The following ZNF780A variants were observed in gnomAD, a reference collection of about 807,000 sequenced individuals.
ZNF780A encodes the protein zinc finger protein 780A.
A neutral mutation model predicts 56.7 loss-of-function variants in ZNF780A; 40 were observed. The ratio of observed to expected loss-of-function variants is 0.71; its 90% CI spans 0.55 to 0.92. The LOEUF (loss-of-function observed/expected upper bound fraction) is 0.92, where lower values mean the gene tolerates loss of function less well. Ranked by LOEUF, ZNF780A falls within the 40% of genes least tolerant of loss-of-function variation. The probability of loss-of-function intolerance (pLI) is 0.00; values close to 1 mark genes in which losing one functional copy is unlikely to be tolerated. For synonymous variants in ZNF780A, 231 were observed against 248.3 expected, an observed-to-expected ratio of 0.93 and a Z score of 0.66; for missense variants, 672 against 783.3, an observed-to-expected ratio of 0.86 and a Z score of 1.70.
intron 5 of ZNF780A, among the ~76,000 whole-genome samples, chr19:40,077,797 C>G (rs1303663789): frequency 6.6e-6 from 1 of 151,558 alleles, no homozygotes; most frequent in Non-Finnish European, 1.5e-5. Flanking sequence ...CCTATCCAAC[C>G]CTATTAACCA....
downstream of ZNF780A, chr19:40,069,606 A>T (rs1364511401): frequency 2.6e-5 from 4 of 152,170 alleles, no homozygotes; most frequent in Non-Finnish European, 5.9e-5. Context: ...ATAATAGTTC[A>T]TTGGAACAAG....
At chr19:40,087,616 T>C (rs1488902139) in intron 2 of ZNF780A, among the ~76,000 whole-genome samples, 2 of 152,136 alleles carry the variant, frequency 1.3e-5, no homozygotes, top group Non-Finnish European at 2.9e-5. Context: ...AGGTTAAGAA[T>C]TTCTGTCCTA....
chr19:40,087,532 A>G (rs1974881825), intron 2 of ZNF780A, among the ~76,000 whole-genome samples: 1 of 152,160 alleles, frequency 6.6e-6, no homozygotes, highest in African/African-American at 2.4e-5. Context: ...ACATTTATAA[A>G]TTTCTATAAT....
rs759938680 is a variant in ZNF780A at position 40,083,150 on chromosome 19, C to A, written c.97G>T (p.Asp33Tyr). Reference protein sequence around the residue: ...LQPDQRTLYRDVMLENYSHLI... With the variant: ...LQPDQRTLYRYVMLENYSHLI... ...TGGCTGTAGTTCTCCAACATCACAT[C>A]CCTGTACAAGGTCCTCTGATCAGGC... The change falls in exon 4 of 6, where the codon GAT (aspartate) becomes TAT (tyrosine). Residue 33 changes from aspartate (D) to tyrosine (Y), a missense_variant. By Grantham distance (160) the Asp-to-Tyr change is radical. Transcript: ENST00000683561. The A allele has an allele frequency of 1.5e-5, 25 of 1,614,092 alleles. 1 individual carries two copies. The South Asian group carries it at 2.6e-4, about 17-fold the overall frequency.
At chr19:40,087,742 C>G (rs1256599754) in intron 2 of ZNF780A, among the ~76,000 whole-genome samples, 1 of 152,142 alleles carries the variant, frequency 6.6e-6, no homozygotes, top group Non-Finnish European at 1.5e-5. Context: ...CTCATCAAAA[C>G]TATCTGACTT....
rs147947129 is a variant in ZNF780A, at chr19:40,074,722, G to A, written c.1720C>T (p.Arg574Ter). 25 of 1,613,966 alleles carry A rather than the reference G, an allele frequency of 1.5e-5. No individual in the cohort carries two copies. In the African/African-American group the frequency reaches 1.6e-4, roughly 10 times the overall value. Residue 574 changes from arginine to a stop codon, truncating the protein, a stop_gained, in exon 6 of 6, where the codon CGA becomes TGA. Coordinates refer to ENST00000683561, the MANE Select transcript of ZNF780A (RefSeq NM_001142578.2). LOFTEE classifies it high-confidence loss of function. ...TCACCAGTATGCAATTTCTGATGTC[G>A]AATAAGGTGCATATGAAGTCGAAAG... ...KAFRLHMHLI[R>*]HQKLHTGEKP...
downstream of ZNF780A, chr19:40,072,728 T>C: frequency 7.8e-7 from 1 of 1,281,984 alleles, no homozygotes; most frequent in Non-Finnish European, 9.9e-7. Flanking sequence ...CTCTGGTTGG[T>C]ATCACAATCA....
At chr19:40,082,035 C>A in intron 4 of ZNF780A, 121 bp from the exon 5 acceptor site, 1 of 611,798 alleles carries the variant, frequency 1.6e-6, no homozygotes, top group Non-Finnish European at 2.7e-6. Context: ...AAAGAGACTT[C>A]AGATAAGAGT....
chr19:40,074,018 G>A lies in ZNF780A; in HGVS notation c.*498C>T, dbSNP rs1973937096. On this transcript the variant is annotated 3_prime_UTR_variant, in exon 6 of 6. Transcript: ENST00000683561. ...TCTTCCCACATTCTGTACATTCACA[G>A]GGTTTCATACCAGTATGAATTCTTT... is the stretch of plus-strand genomic sequence containing the variant. 3.5e-6 allele frequency: 4 copies of A among 1,147,632 alleles called. No homozygotes were observed. The highest frequency in any genetic ancestry group is 4.3e-6 in the Non-Finnish European group (4 of 919,982). The allele number at this position is 1,147,632 out of a possible 1,614,324, so 71.1% of individuals were successfully genotyped here. A position where few individuals can be genotyped will look rare whatever the true frequency, so the allele number is the denominator to read the frequency against.
In ZNF780A at chr19:40,074,462, T is replaced by C. The variant is rs1044069340; in HGVS notation, c.*54A>G. The C allele has an allele frequency of 6.2e-7, 1 of 1,602,944 alleles. No homozygotes were observed. The highest frequency in any genetic ancestry group is 8.5e-7 in the Non-Finnish European group (1 of 1,174,354). On this transcript the variant is annotated 3_prime_UTR_variant, in exon 6 of 6. Coordinates refer to ENST00000683561, the MANE Select transcript of ZNF780A (RefSeq NM_001142578.2). The stretch of plus-strand genomic sequence containing the variant: ...TGGTTTTACACCAGCACGAATACTC[T>C]GATGTTGAACATGGTTTGAGACACG...
intron 2 of ZNF780A, among the ~76,000 whole-genome samples, chr19:40,085,636 C>T (rs1302110551): frequency 6.6e-6 from 1 of 152,054 alleles, no homozygotes; most frequent in African/African-American, 2.4e-5. Context: ...AATCCCAGCA[C>T]TTTGGGAGGC....
intron 5 of ZNF780A, among the ~76,000 whole-genome samples, chr19:40,079,050 A>C (rs1271323801): frequency 1.2e-4 from 19 of 152,042 alleles, no homozygotes; most frequent in Admixed American, 1.2e-3. Flanking sequence ...ATATAGATGG[A>C]ATGGATTTTT....
rs1308484412 is a variant in ZNF780A, at chr19:40,074,465, T to A, written c.*51A>T. ...TTTTACACCAGCACGAATACTCTGA[T>A]GTTGAACATGGTTTGAGACACGATT... On this transcript the variant is annotated 3_prime_UTR_variant, in exon 6 of 6. Transcript: ENST00000683561. The A allele has an allele frequency of 4.4e-6, 7 of 1,603,776 alleles. No individual in the cohort carries two copies. The highest frequency in any genetic ancestry group is 1.7e-4 in the Middle Eastern group (1 of 6,042).
At chr19:40,082,983 A>G in intron 4 of ZNF780A, 128 bp downstream of exon 4, 1 of 1,497,140 alleles carries the variant, frequency 6.7e-7, no homozygotes, top group Non-Finnish European at 9.1e-7. Flanking sequence ...ACAAATCCCA[A>G]TCCATTCCTT....
chr19:40,076,241 A>ATT (rs1158857990), intron 5 of ZNF780A, 32 bp from the exon 6 acceptor site: 8 of 1,523,516 alleles, frequency 5.3e-6, no homozygotes, highest in Admixed American at 4.6e-5. Context: ...AACCTATTTT[A>ATT]TTTTCGTATA....
chr19:40,084,040 C>G, intron 3 of ZNF780A, among the ~76,000 whole-genome samples: 1 of 151,972 alleles, frequency 6.6e-6, no homozygotes, highest in Admixed American at 6.6e-5. Context: ...GCTGGGATTA[C>G]AGGTGCGCAC....
downstream of ZNF780A, chr19:40,072,608 C>T (rs1973870225): frequency 2.2e-6 from 1 of 464,982 alleles, no homozygotes; most frequent in South Asian, 9.1e-5. Context: ...GGTCCCCTCC[C>T]TTTGTATGGG....
In ZNF780A at chr19:40,075,795, G is replaced by A. The variant is rs773823184; in HGVS notation, c.647C>T (p.Thr216Ile). Reference protein sequence around the residue: ...IQFTRHQKFHTGEKPFECNEC... With the variant: ...IQFTRHQKFHIGEKPFECNEC... ...GTTACATTCAAAAGGTTTCTCACCA[G>A]TATGAAATTTCTGATGTCGAGTAAA... Residue 216 changes from threonine to isoleucine, a missense_variant, in exon 6 of 6, where the codon ACT becomes ATT. Thr to Ile is a moderately conservative substitution (Grantham distance 89). Transcript: ENST00000683561. 8 of 1,613,868 alleles carry A rather than the reference G, an allele frequency of 5.0e-6. No homozygotes were observed. The highest frequency in any genetic ancestry group is 1.3e-5 in the African/African-American group (1 of 74,862).
In ZNF780A at chr19:40,090,148, T is replaced by C. The variant is rs1975072356; in HGVS notation, c.-46+18A>G. 2 of 152,108 alleles carry C rather than the reference T, an allele frequency of 1.3e-5. No individual in the cohort carries two copies. The highest frequency in any genetic ancestry group is 6.6e-5 in the Admixed American group (1 of 15,266). The allele number at this position is 152,108 out of a possible 1,614,324, so 9.4% of individuals were successfully genotyped here. ...ATCAAAAACGCATGTCTTGAACAAA[T>C]ACAAAGCACAAACTCACCCTTGACT... On this transcript the variant is annotated intron_variant, in intron 2 of 5. Transcript: ENST00000683561.
Sources: gnomAD v4.1 joint callset for allele counts (sites outside exome capture counted in the v4.1 genomes callset) on GRCh38, gnomAD v4.1.1 for gene constraint, MANE v1.5 for transcripts, NCBI Gene and HGNC (gene_info 2026-07-23, HGNC 2026-07-21) for gene names.